The following MGAT5B variants were observed in gnomAD, a reference collection of about 807,000 sequenced individuals.
MGAT5B encodes N-acetylglucosaminyl-transferase Vb.
Under a neutral mutation model 95.1 loss-of-function variants are expected in MGAT5B, and 54 were observed. The observed-to-expected ratio is 0.57, with a 90% CI of 0.46 to 0.71. The LOEUF is 0.71. Ranked by LOEUF, MGAT5B falls within the 30% of genes least tolerant of loss-of-function variation. The probability of loss-of-function intolerance (pLI) is 0.00; values close to 1 mark genes in which losing one functional copy is unlikely to be tolerated. For missense variants in MGAT5B, 935 were observed against 1,088.6 expected (o/e 0.86, Z 1.99); for synonymous variants, 464 against 451.0 (o/e 1.03, Z -0.36).
intron 15 of MGAT5B, chr17:76,944,385 A>G (rs1599009639): frequency 1.3e-5 from 2 of 152,224 alleles, no homozygotes; most frequent in Non-Finnish European, 2.9e-5. Context: ...TGGAGGGGAA[A>G]GCTCTTCTCT....
chr17:76,903,614 C>T lies in MGAT5B; in HGVS notation c.519+238C>T, dbSNP rs557044376. Among the ~76,000 whole-genome samples the T allele has an allele frequency of 1.7e-3, 261 of 152,348 alleles. 1 individual carries two copies. The highest frequency in any genetic ancestry group is 6.0e-3 in the African/African-American group (251 of 41,574). ...TGTCACCGCCAGCAGCCGGATTCCC[C>T]CAGAGACTCAGAGGAGTGGCCCTGG... On this transcript the variant is annotated intron_variant, in intron 5 of 17. Coordinates refer to ENST00000569840, the MANE Select transcript of MGAT5B (RefSeq NM_001199172.2).
chr17:76,923,459 C>T (rs1191501414), intron 8 of MGAT5B, among the ~76,000 whole-genome samples: 1 of 152,130 alleles, frequency 6.6e-6, no homozygotes, highest in Non-Finnish European at 1.5e-5. Context: ...TGGCTGCTTC[C>T]CAGTCTGGGT....
At position 76,894,169 on chromosome 17, in the gene MGAT5B, G is replaced by A. The variant is rs143835036; in HGVS notation, c.330-8386G>A. ...GGGCCACCCGGCTCCCTGTTCCCCC[G>A]CCAGGAACATCCTCTCCAGCTGTCC... On this transcript the variant is annotated intron_variant, in intron 3 of 17. Transcript: ENST00000569840. Among the ~76,000 whole-genome samples the A allele has an allele frequency of 2.0e-3, 302 of 152,270 alleles. 2 individuals are homozygous for A. Among genetic ancestry groups the A allele is most frequent in the African/African-American group, 6.6e-3 (274 of 41,548 alleles).
In MGAT5B at chr17:76,916,240, G is replaced by C. The variant is rs1968933059; in HGVS notation, c.1026-8726G>C. The stretch of plus-strand genomic sequence containing the variant: ...TCCAGGAGAGACCCTTCCTTGCAAG[G>C]GCCTCGCCTCCCCTCATGCTCCACG... On this transcript the variant is annotated intron_variant, in intron 8 of 17. Coordinates refer to ENST00000569840, the MANE Select transcript of MGAT5B (RefSeq NM_001199172.2). The surrounding 1 kb of genome is among the most constrained non-coding windows in gnomAD (Gnocchi z 5.3). 6.6e-6 allele frequency among the ~76,000 whole-genome samples: 1 copy of C among 150,736 alleles called. No homozygotes were observed. Among genetic ancestry groups the C allele is most frequent in the South Asian group, 2.1e-4 (1 of 4,818 alleles).
intron 3 of MGAT5B, among the ~76,000 whole-genome samples, chr17:76,885,232 C>T (rs1009863746): frequency 6.6e-6 from 1 of 152,192 alleles, no homozygotes; most frequent in Non-Finnish European, 1.5e-5. Flanking sequence ...TTCTCTGACA[C>T]TGTCTGTGTG....
At position 76,938,950 on chromosome 17, in the gene MGAT5B, A is replaced by G. The variant is rs1041150703; in HGVS notation, c.1584+807A>G. 7.1e-4 allele frequency among the ~76,000 whole-genome samples: 107 copies of G among 150,682 alleles called. No homozygotes were observed. The highest frequency in any genetic ancestry group is 2.2e-3 in the African/African-American group (90 of 41,058). On this transcript the variant is annotated intron_variant, in intron 13 of 17. Transcript: ENST00000569840. This position sits in a 1 kb window ranked among gnomAD's most constrained non-coding sequence, Gnocchi z 4.3. ...CACCTCGGCCTCTCAAAGTGCTGGG[A>G]TTACAGATGTGAGCCACTGCACCTG...
At chr17:76,919,725 C>T (rs770297919) in intron 8 of MGAT5B, among the ~76,000 whole-genome samples, 33 of 152,196 alleles carry the variant, frequency 2.2e-4, no homozygotes, top group Non-Finnish European at 4.0e-4. Context: ...GCCGCTGTGC[C>T]GGGCTGGCTT....
At chr17:76,897,192 C>T (rs1387600514) in intron 3 of MGAT5B, among the ~76,000 whole-genome samples, 1 of 152,174 alleles carries the variant, frequency 6.6e-6, no homozygotes, top group East Asian at 1.9e-4. Context: ...ACTGGGACTA[C>T]AGGCGTGAAC....
At chr17:76,910,044 T>C (rs1482001173) in intron 8 of MGAT5B, among the ~76,000 whole-genome samples, 3 of 152,104 alleles carry the variant, frequency 2.0e-5, no homozygotes, top group African/African-American at 7.2e-5. Context: ...ATTCTCACCT[T>C]GAAATAGCAG....
Position 76,916,163 on chromosome 17 carries a change from T to C in MGAT5B, c.1026-8803T>C, listed in dbSNP as rs553594481. ...CCTTGCAAGGCCTCGTCTCCCCTTA[T>C]GCTCCACATAGCTGCACTGCCCTGG... On this transcript the variant is annotated intron_variant, in intron 8 of 17. Coordinates refer to ENST00000569840, the MANE Select transcript of MGAT5B (RefSeq NM_001199172.2). The surrounding 1 kb of genome is among the most constrained non-coding windows in gnomAD (Gnocchi z 5.3). 6.8e-6 allele frequency among the ~76,000 whole-genome samples: 1 copy of C among 146,676 alleles called. No homozygotes were observed. The highest frequency in any genetic ancestry group is 6.6e-5 in the Admixed American group (1 of 15,070).
intron 3 of MGAT5B, among the ~76,000 whole-genome samples, chr17:76,884,013 C>T (rs1048453288): frequency 4.6e-5 from 7 of 152,206 alleles, no homozygotes; most frequent in Admixed American, 1.3e-4. Context: ...ATTGAGTGAA[C>T]GTCCTGGATG....
In MGAT5B at chr17:76,912,177, T is replaced by A. The variant is rs1383996041; in HGVS notation, c.1025+5990T>A. On this transcript the variant is annotated intron_variant, in intron 8 of 17. Transcript: ENST00000569840. The surrounding 1 kb of genome is among the most constrained non-coding windows in gnomAD (Gnocchi z 5.0). ...CCTCTGTAAGGACCCCAACTCCAAA[T>A]AAGGTCATAGCCTGAAGAACTGGGG... 1.3e-5 allele frequency among the ~76,000 whole-genome samples: 2 copies of A among 152,078 alleles called. No individual in the cohort carries two copies. Among genetic ancestry groups the A allele is most frequent in the African/African-American group, 4.8e-5 (2 of 41,424 alleles).
Position 76,950,083 on chromosome 17 carries a change from T to C in MGAT5B, c.*1245T>C, listed in dbSNP as rs1970161442. The C allele has an allele frequency of 6.6e-6, 1 of 152,492 alleles. No homozygotes were observed. Among genetic ancestry groups the C allele is most frequent in the African/African-American group, 2.4e-5 (1 of 41,388 alleles). The allele number at this position is 152,492 out of a possible 1,614,324, so 9.4% of individuals were successfully genotyped here. The stretch of plus-strand genomic sequence containing the variant: ...TCAGAACACTGCCACCCACCCAGTT[T>C]TATAATCCCGCTCCCTCTCCAGGCA... On this transcript the variant is annotated 3_prime_UTR_variant, in exon 18 of 18. Transcript: ENST00000569840.
intron 3 of MGAT5B, among the ~76,000 whole-genome samples, chr17:76,886,818 C>T (rs960643378): frequency 3.3e-5 from 5 of 152,026 alleles, no homozygotes; most frequent in Admixed American, 6.6e-5. Context: ...CCGAGGTGGT[C>T]GGATCACTTG....
Position 76,894,715 on chromosome 17 carries a change from C to T in MGAT5B, c.330-7840C>T, listed in dbSNP as rs148694129. Among the ~76,000 whole-genome samples, 1,091 of 151,860 alleles carry T rather than the reference C, an allele frequency of 7.2e-3. 21 individuals carry two copies. The highest frequency in any genetic ancestry group is 0.024 in the African/African-American group (975 of 41,402). On this transcript the variant is annotated intron_variant, in intron 3 of 17. Coordinates refer to ENST00000569840, the MANE Select transcript of MGAT5B (RefSeq NM_001199172.2). ...ACTAAAAATACAAAAATTAGCTGGG[C>T]GTTGTGGTGCACCTGTAAATCCCAG...
In MGAT5B at chr17:76,950,062, AAC is replaced by A. The variant is rs1417016770; in HGVS notation, c.*1227_*1228del. On this transcript the variant is annotated 3_prime_UTR_variant, in exon 18 of 18. Transcript: ENST00000569840. ...CTGCCTCAGCGGGTCAGGCCTTCAG[AAC>A]ACTGCCACCCACCCAGTTTTATAAT... 1 of 151,654 alleles carries A rather than the reference AAC, an allele frequency of 6.6e-6. No individual in the cohort carries two copies. Among genetic ancestry groups the A allele is most frequent in the Admixed American group, 6.6e-5 (1 of 15,206 alleles). 9.4% of individuals were successfully genotyped at this position (151,654 alleles called of 1,614,324 possible). A position where few individuals can be genotyped will look rare whatever the true frequency, so the allele number is the denominator to read the frequency against.
At chr17:76,881,888 A>G (rs1375167382) in intron 2 of MGAT5B, among the ~76,000 whole-genome samples, 1 of 152,192 alleles carries the variant, frequency 6.6e-6, no homozygotes, top group Non-Finnish European at 1.5e-5. Flanking sequence ...AGGGCTTAGG[A>G]AATGATCCCA....
Position 76,917,741 on chromosome 17 carries a change from G to C in MGAT5B, c.1026-7225G>C, listed in dbSNP as rs1386453762. On this transcript the variant is annotated intron_variant, in intron 8 of 17. Coordinates refer to ENST00000569840, the MANE Select transcript of MGAT5B (RefSeq NM_001199172.2). The surrounding 1 kb of genome is among the most constrained non-coding windows in gnomAD (Gnocchi z 6.1). ...CAGCAAAGGTTGGTGGAACCGGATA[G>C]AATAGCAAGAGCCCCTGGCACACAG... is the stretch of plus-strand genomic sequence containing the variant. Among the ~76,000 whole-genome samples the C allele has an allele frequency of 6.6e-6, 1 of 152,102 alleles. No homozygotes were observed. The highest frequency in any genetic ancestry group is 1.5e-5 in the Non-Finnish European group (1 of 68,036).
At chr17:76,948,173 C>T in intron 17 of MGAT5B, 87 bp downstream of exon 17, 2 of 1,487,190 alleles carry the variant, frequency 1.3e-6, no homozygotes, top group East Asian at 2.3e-5. Context: ...CAGAACCGGC[C>T]CTCAGCCCTG....
Sources: gnomAD v4.1 joint callset for allele counts (sites outside exome capture counted in the v4.1 genomes callset) on GRCh38, gnomAD v4.1.1 for gene constraint, Gnocchi (gnomAD v3.1) non-coding constraint, MANE v1.5 for transcripts, NCBI Gene and HGNC (gene_info 2026-07-23, HGNC 2026-07-21) for gene names.